The following CLOCK variants were observed in gnomAD, a reference collection of about 807,000 sequenced individuals.
The protein encoded by CLOCK is clock circadian regulator.
CLOCK carries 43 observed loss-of-function variants against 118.4 expected under a neutral mutation model. That is an observed-to-expected ratio of 0.36 (90% CI 0.28 to 0.47). The LOEUF (loss-of-function observed/expected upper bound fraction) is 0.47. Among genes scored for constraint, CLOCK ranks in the 20% least tolerant of loss-of-function variants. The pLI, the probability that CLOCK is intolerant of heterozygous loss-of-function variation, is 1.00. For missense variants in CLOCK, 846 were observed against 999.9 expected (o/e 0.85, Z 2.08); for synonymous variants, 326 against 339.2 (o/e 0.96, Z 0.43).
intron 2 of CLOCK, among the ~76,000 whole-genome samples, chr4:55,491,993 A>C (rs917398288): frequency 6.6e-6 from 1 of 152,172 alleles, no homozygotes; most frequent in African/African-American, 2.4e-5. Flanking sequence ...ATTAATACCA[A>C]TCCCCCTCAA....
Position 55,456,308 on chromosome 4 carries a change from T to C in CLOCK, c.793-8A>G. On this transcript the variant is annotated splice_region_variant and splice_polypyrimidine_tract_variant and intron_variant, in intron 11 of 22. Coordinates refer to ENST00000513440, the MANE Select transcript of CLOCK (RefSeq NM_004898.4). The stretch of plus-strand genomic sequence containing the variant: ...TTCAACAGTGCACATTTCCTACAAA[T>C]AAATAATTAAAATTTATAAATACTT... The C allele has an allele frequency of 6.7e-7, 1 of 1,488,986 alleles. No homozygotes were observed. Among genetic ancestry groups the C allele is most frequent in the Non-Finnish European group, 9.3e-7 (1 of 1,079,690 alleles). 92.2% of individuals were successfully genotyped at this position (1,488,986 alleles called of 1,614,324 possible).
At chr4:55,448,601 CGTGTGTGTGTGTGTGT>C (rs3034980) in intron 18 of CLOCK, among the ~76,000 whole-genome samples, 162 bp downstream of exon 18, 7,407 of 117,032 alleles carry the variant, frequency 0.063, 226 homozygotes, top group African/African-American at 0.096. Flanking sequence ...CGCACGCGCG[CGTGTGTGTGTGTGTGT>C]GTGTGTGTGT....
chr4:55,474,107 C>T (rs1323234680), intron 7 of CLOCK, among the ~76,000 whole-genome samples: 1 of 152,168 alleles, frequency 6.6e-6, no homozygotes, highest in Non-Finnish European at 1.5e-5. Context: ...AAAAGCTAGA[C>T]CTCTTGCAAC....
At position 55,513,550 on chromosome 4, in the gene CLOCK, T is replaced by C. The variant is rs76150634; in HGVS notation, c.-289-3485A>G. Among the ~76,000 whole-genome samples the C allele has an allele frequency of 2.5e-3, 376 of 152,256 alleles. 2 individuals are homozygous for C. The highest frequency in any genetic ancestry group is 8.2e-3 in the African/African-American group (342 of 41,572). On this transcript the variant is annotated intron_variant, in intron 1 of 22. Coordinates refer to ENST00000513440, the MANE Select transcript of CLOCK (RefSeq NM_004898.4). ...CCAATACCACACTGCTTGATGACTG[T>C]AGTTGTAAAGTAAGTCTTGAAGTCA...
At chr4:55,531,226 C>G (rs1426894500) in intron 1 of CLOCK, among the ~76,000 whole-genome samples, 1 of 150,898 alleles carries the variant, frequency 6.6e-6, no homozygotes, top group African/African-American at 2.4e-5. Flanking sequence ...GACTTTAGAC[C>G]CATAGAAAAA....
Position 55,453,799 on chromosome 4 carries a change from T to G in CLOCK, c.1008A>C (p.Ser336=), listed in dbSNP as rs1276328174. The G allele has an allele frequency of 6.2e-7, 1 of 1,607,136 alleles. No homozygotes were observed. The highest frequency in any genetic ancestry group is 1.7e-5 in the Admixed American group (1 of 59,764). ...CCTTAGTCAGGAACCTATAATAACA[T>G]GATTTGCCTTTCCCATATTGCATTA... The part of the protein sequence containing the change: ...EHLMQYGKGK[S]CYYRFLTKGQ... Residue 336 remains serine, a synonymous_variant, in exon 14 of 23, where the codon TCA becomes TCC. Coordinates refer to ENST00000513440, the MANE Select transcript of CLOCK (RefSeq NM_004898.4).
At chr4:55,537,073 A>G (rs987366059) in intron 1 of CLOCK, among the ~76,000 whole-genome samples, 3 of 152,230 alleles carry the variant, frequency 2.0e-5, no homozygotes, top group African/African-American at 4.8e-5. Context: ...ATCTCTGGAA[A>G]ATCCTCAAAT....
intron 15 of CLOCK, among the ~76,000 whole-genome samples, 165 bp from the exon 16 acceptor site, chr4:55,450,397 C>T (rs1253148298): frequency 6.6e-6 from 1 of 152,068 alleles, no homozygotes; most frequent in African/African-American, 2.4e-5. Context: ...TGTGTTATAG[C>T]CAGAAAGTTT....
chr4:55,470,862 A>T (rs1361787663), intron 7 of CLOCK, 56 bp from the exon 8 acceptor site: 9 of 1,256,682 alleles, frequency 7.2e-6, no homozygotes, highest in Non-Finnish European at 1.0e-5. Flanking sequence ...TTTGCAGGAC[A>T]GAAATAAAAA....
chr4:55,451,847 T>C (rs1173028211), intron 15 of CLOCK, among the ~76,000 whole-genome samples: 2 of 152,184 alleles, frequency 1.3e-5, no homozygotes, highest in Non-Finnish European at 2.9e-5. Flanking sequence ...GTGGGATCCA[T>C]GAAAGCAGGG....
rs1435930209 is a variant in CLOCK at position 55,442,514 on chromosome 4, T to C, written c.2023A>G (p.Met675Val). ...MVISQPAAGS[M>V]VQIPSSMPQN... ...GGCATACTAGATGGAATCTGGACCA[T>C]GCTTCCGGCTGCAGGCTGAGAAATC... is the stretch of plus-strand genomic sequence containing the variant. The change falls in exon 21 of 23, where the codon ATG becomes GTG. Residue 675 changes from methionine (M) to valine (V), a missense_variant. By Grantham distance (21) the Met-to-Val change is conservative (BLOSUM62 1). This residue lies in a region of CLOCK where 520 missense variants were observed against 558.0 expected (regional missense o/e 0.93). Coordinates refer to ENST00000513440, the MANE Select transcript of CLOCK (RefSeq NM_004898.4). 1 of 1,609,414 alleles carries C rather than the reference T, an allele frequency of 6.2e-7. No homozygotes were observed. The highest frequency in any genetic ancestry group is 8.5e-7 in the Non-Finnish European group (1 of 1,179,364).
At chr4:55,480,283 G>C (rs1014023191) in intron 4 of CLOCK, among the ~76,000 whole-genome samples, 4 of 151,924 alleles carry the variant, frequency 2.6e-5, no homozygotes, top group Non-Finnish European at 5.9e-5. Flanking sequence ...TTTTTTTCTG[G>C]AGACAGGGTC....
chr4:55,513,523 C>T (rs1729296291), intron 1 of CLOCK, among the ~76,000 whole-genome samples: 1 of 152,112 alleles, frequency 6.6e-6, no homozygotes, highest in South Asian at 2.1e-4. Context: ...TCTATGCTTT[C>T]ACCAATACCA....
chr4:55,531,886 T>C (rs1343037871), intron 1 of CLOCK, among the ~76,000 whole-genome samples: 2 of 145,634 alleles, frequency 1.4e-5, no homozygotes, highest in Non-Finnish European at 3.0e-5. Context: ...TAATGAATAG[T>C]GATTTTTTAA....
At chr4:55,530,540 C>A (rs1028738734) in intron 1 of CLOCK, among the ~76,000 whole-genome samples, 1 of 151,692 alleles carries the variant, frequency 6.6e-6, no homozygotes, top group Admixed American at 6.6e-5. Flanking sequence ...TTTGGGAGGC[C>A]GAGGAGGGTG....
Position 55,530,774 on chromosome 4 carries a change from CAAA to C in CLOCK, c.-290+16005_-290+16007del, listed in dbSNP as rs60810379. Among the ~76,000 whole-genome samples, 12 of 33,048 alleles carry C rather than the reference CAAA, an allele frequency of 3.6e-4. 3 individuals carry two copies. Among genetic ancestry groups the C allele is most frequent in the African/African-American group, 8.3e-4 (6 of 7,190 alleles). 21.7% of individuals were successfully genotyped at this position (33,048 alleles called of 152,430 possible). On this transcript the variant is annotated intron_variant, in intron 1 of 22. Coordinates refer to ENST00000513440, the MANE Select transcript of CLOCK (RefSeq NM_004898.4). ...TGGGAAAAAGAGCAAGACTCCATCG[CAAA>C]AAAAAAAAAAAAAAGAGTAAATACA...
intron 3 of CLOCK, among the ~76,000 whole-genome samples, chr4:55,483,842 A>G (rs1727105826): frequency 6.6e-6 from 1 of 152,216 alleles, no homozygotes; most frequent in Non-Finnish European, 1.5e-5. Flanking sequence ...ACCCAAATTG[A>G]AGGAAGTAAA....
chr4:55,543,432 T>C (rs1327105604), intron 1 of CLOCK, among the ~76,000 whole-genome samples: 1 of 152,128 alleles, frequency 6.6e-6, no homozygotes, highest in African/African-American at 2.4e-5. Flanking sequence ...TTTTCAAGGC[T>C]GAAAAGAACA....
chr4:55,521,190 T>G (rs1285383753), intron 1 of CLOCK, among the ~76,000 whole-genome samples: 1 of 152,202 alleles, frequency 6.6e-6, no homozygotes, highest in East Asian at 1.9e-4. Context: ...TGTCCCTTAA[T>G]TAATCTGTCA....
Sources: gnomAD v4.1 joint callset for allele counts (sites outside exome capture counted in the v4.1 genomes callset) on GRCh38, gnomAD v4.1.1 for gene constraint, gnomAD v4.1.1 regional missense constraint, MANE v1.5 for transcripts, NCBI Gene and HGNC (gene_info 2026-07-23, HGNC 2026-07-21) for gene names.